The following RAB3GAP2 variants were observed in gnomAD, a reference collection of about 807,000 sequenced individuals.
The protein encoded by RAB3GAP2 is RAB3 GTPase activating non-catalytic protein subunit 2, also known as rab3 GTPase-activating protein non-catalytic subunit.
Under a neutral mutation model 185.3 loss-of-function variants are expected in RAB3GAP2, and 87 were observed. The ratio of observed to expected loss-of-function variants is 0.47; its 90% confidence interval spans 0.39 to 0.56. The LOEUF (loss-of-function observed/expected upper bound fraction) is 0.56. RAB3GAP2 is among the 20% of genes least tolerant of loss of function. The pLI is 0.00. For synonymous variants in RAB3GAP2, 554 were observed against 576.1 expected, an observed-to-expected ratio of 0.96 and a Z score of 0.55; for missense variants, 1,492 against 1,638.2, an observed-to-expected ratio of 0.91 and a Z score of 1.54.
intron 1 of RAB3GAP2, among the ~76,000 whole-genome samples, chr1:220,248,261 A>T (rs1200666360): frequency 2.6e-5 from 4 of 152,188 alleles, no homozygotes; most frequent in Non-Finnish European, 5.9e-5. Context: ...TTTCAGTTAC[A>T]AGATGAAGTT....
At position 220,153,391 on chromosome 1, in the gene RAB3GAP2, C is replaced by A. The variant is rs1305470149; in HGVS notation, c.3661G>T (p.Val1221Phe). 1 of 1,614,062 alleles carries A rather than the reference C, an allele frequency of 6.2e-7. No homozygotes were observed. Among genetic ancestry groups the A allele is most frequent in the Non-Finnish European group, 8.5e-7 (1 of 1,179,948 alleles). Residue 1221 changes from valine to phenylalanine, a missense_variant, in exon 33 of 35, where the codon GTC becomes TTC. By Grantham distance (50) the Val-to-Phe change is conservative. Around this residue, in one of 5 missense-constraint regions of RAB3GAP2, gnomAD observed 387 missense variants for 455.3 expected, o/e 0.85. Transcript: ENST00000358951. ...TGTTGGGCCTGGACAGCTGCACTGA[C>A]AACTTTCAATAAGAACTTGAAAATG... ...SVRQQFLLKV[V>F]SAAVQAQHSA...
chr1:220,253,830 G>T (rs1406078881), intron 1 of RAB3GAP2: 10 of 1,612,300 alleles, frequency 6.2e-6, no homozygotes, highest in Admixed American at 1.7e-5. Flanking sequence ...ATGCAGAGGG[G>T]AAGATGAGAG....
At chr1:220,197,323 A>G (rs1227871649) in intron 9 of RAB3GAP2, among the ~76,000 whole-genome samples, 1 of 149,648 alleles carries the variant, frequency 6.7e-6, no homozygotes, top group Non-Finnish European at 1.5e-5. Context: ...GACCTTACTA[A>G]ATTTCATATA....
At chr1:220,211,115 T>C in intron 4 of RAB3GAP2, 113 bp from the exon 5 acceptor site, 1 of 978,218 alleles carries the variant, frequency 1.0e-6, no homozygotes, top group Non-Finnish European at 1.6e-6. Context: ...TGTGAACCAG[T>C]TTTATTTGAT....
At chr1:220,209,809 G>T (rs1002399936) in intron 7 of RAB3GAP2, among the ~76,000 whole-genome samples, 1 of 152,144 alleles carries the variant, frequency 6.6e-6, no homozygotes, top group Non-Finnish European at 1.5e-5. Flanking sequence ...AAAGCATATT[G>T]GTTTAAATGG....
chr1:220,268,435 C>T (rs780864413), intron 1 of RAB3GAP2, among the ~76,000 whole-genome samples: 7 of 152,174 alleles, frequency 4.6e-5, no homozygotes, highest in Non-Finnish European at 7.4e-5. Flanking sequence ...AGTACAGTCT[C>T]TCATATTTGC....
At position 220,151,599 on chromosome 1, in the gene RAB3GAP2, T is replaced by C. The variant is rs1032986519; in HGVS notation, c.4026+7A>G. On this transcript the variant is annotated splice_region_variant and intron_variant, in intron 34 of 34. Transcript: ENST00000358951. Reference sequence around the variant, plus strand: ...CCTTTTGCCTGATCTCGTTCTATTGTACTGACCATTGCTTTCAGCCAAGTA... The same window carrying C: ...CCTTTTGCCTGATCTCGTTCTATTGCACTGACCATTGCTTTCAGCCAAGTA... 1.9e-6 allele frequency: 3 copies of C among 1,606,364 alleles called. No homozygotes were observed. The African/African-American group carries it at 4.0e-5, about 21-fold the overall frequency.
chr1:220,217,646 A>AT (rs1659223396), intron 2 of RAB3GAP2, among the ~76,000 whole-genome samples: 1 of 152,136 alleles, frequency 6.6e-6, no homozygotes, highest in Non-Finnish European at 1.5e-5. Context: ...CAGTCCACTA[A>AT]TAGAATATAG....
intron 17 of RAB3GAP2, among the ~76,000 whole-genome samples, chr1:220,187,824 G>A (rs150069485): frequency 7.0e-4 from 106 of 152,050 alleles, no homozygotes; most frequent in African/African-American, 2.4e-3. Flanking sequence ...CAAGTAAAAC[G>A]TTTCCCTGAG....
In RAB3GAP2 at chr1:220,261,993, T is replaced by TA. The variant is rs950533295; in HGVS notation, c.115+10229dup. ...ATTGATTGACATTTTGTATTTTGGT[T>TA]AAAAAAAACACACAGGCCAGGCGCG... On this transcript the variant is annotated intron_variant, in intron 1 of 34. Coordinates refer to ENST00000358951, the MANE Select transcript of RAB3GAP2 (RefSeq NM_012414.4). 9.2e-5 allele frequency among the ~76,000 whole-genome samples: 14 copies of TA among 151,448 alleles called. No homozygotes were observed. In the South Asian group the frequency reaches 2.1e-3, roughly 23 times the overall value.
At chr1:220,153,118 T>A in intron 33 of RAB3GAP2, 67 bp downstream of exon 33, 1 of 1,238,220 alleles carries the variant, frequency 8.1e-7, no homozygotes, top group South Asian at 1.2e-5. Flanking sequence ...GAAACTTAAC[T>A]GATTCTTTAT....
chr1:220,173,903 C>T (rs1658227526), intron 21 of RAB3GAP2, among the ~76,000 whole-genome samples: 1 of 151,378 alleles, frequency 6.6e-6, no homozygotes, highest in African/African-American at 2.4e-5. Context: ...GCCTATAGTC[C>T]CAGCTACTTG....
At chr1:220,265,993 A>G (rs1660221178) in intron 1 of RAB3GAP2, 1 of 152,362 alleles carries the variant, frequency 6.6e-6, no homozygotes, top group Non-Finnish European at 1.5e-5. Context: ...TCTTAAGTAG[A>G]TAGTATTTAC....
chr1:220,202,509 T>C, intron 8 of RAB3GAP2, 135 bp from the exon 9 acceptor site: 5 of 895,900 alleles, frequency 5.6e-6, no homozygotes, highest in Non-Finnish European at 8.7e-6. Flanking sequence ...AAACAAGGCA[T>C]AAGGTGAGAT....
At chr1:220,256,829 A>G (rs1370275061) in intron 1 of RAB3GAP2, among the ~76,000 whole-genome samples, 3 of 152,148 alleles carry the variant, frequency 2.0e-5, no homozygotes, top group African/African-American at 7.2e-5. Flanking sequence ...AACTGACAAC[A>G]TTAGATCATG....
chr1:220,226,691 T>C (rs959288074), intron 2 of RAB3GAP2, among the ~76,000 whole-genome samples: 2 of 152,162 alleles, frequency 1.3e-5, no homozygotes, highest in Non-Finnish European at 2.9e-5. Flanking sequence ...TATAGGCAAG[T>C]TGAAATTCCT....
At chr1:220,172,521 T>A (rs1342258561) in intron 22 of RAB3GAP2, 116 bp downstream of exon 22, 2 of 698,306 alleles carry the variant, frequency 2.9e-6, no homozygotes, top group Non-Finnish European at 5.1e-6. Context: ...ATCTCTACGG[T>A]GAAATGTTTT....
In RAB3GAP2 at chr1:220,235,055, T is replaced by C. The variant is rs549876384; in HGVS notation, c.116-2192A>G. Among the ~76,000 whole-genome samples the C allele has an allele frequency of 3.9e-5, 6 of 152,266 alleles. No homozygotes were observed. The South Asian group carries it at 1.2e-3, about 32-fold the overall frequency. On this transcript the variant is annotated intron_variant, in intron 1 of 34. Transcript: ENST00000358951. ...CACAGGAGTAAGTGGCAGAGTACAG[T>C]GTGAGTTCAGGTCTGAGTTCCAAAA...
intron 1 of RAB3GAP2, among the ~76,000 whole-genome samples, chr1:220,239,042 G>A (rs886533104): frequency 2.0e-5 from 3 of 151,870 alleles, no homozygotes; most frequent in African/African-American, 4.8e-5. Context: ...AAATCCTTCC[G>A]CATATACCCC....
Sources: gnomAD v4.1 joint callset for allele counts (sites outside exome capture counted in the v4.1 genomes callset) on GRCh38, gnomAD v4.1.1 for gene constraint, gnomAD v4.1.1 regional missense constraint, MANE v1.5 for transcripts, NCBI Gene and HGNC (gene_info 2026-07-23, HGNC 2026-07-21) for gene names.